The following ELF4 variants were observed in gnomAD, a reference collection of about 807,000 sequenced individuals.
ELF4 encodes E74 like ETS transcription factor 4.
Under a neutral mutation model 31.7 loss-of-function variants are expected in ELF4, and 10 were observed. The observed-to-expected ratio is 0.32, with a 90% CI of 0.19 to 0.54. The LOEUF is 0.54. Among genes scored for constraint, ELF4 ranks in the 20% least tolerant of loss-of-function variants. ELF4 has a pLI of 0.95. For synonymous variants in ELF4, 208 were observed against 226.7 expected (o/e 0.92, Z 0.74); for missense variants, 418 against 522.0 (o/e 0.80, Z 1.94).
Position 130,064,028 on chromosome X carries a change from A to G in ELF4, c.*2693T>C, listed in dbSNP as rs1277210946. ...TTATTATTATACTTTAAGTTCTGGG[A>G]TACATGTGCAGAACGTGCAGGTTTG... On this transcript the variant is annotated 3_prime_UTR_variant, in exon 9 of 9. Coordinates refer to ENST00000308167, the MANE Select transcript of ELF4 (RefSeq NM_001421.4). Among the ~76,000 whole-genome samples, 1 of 106,249 alleles carries G rather than the reference A, an allele frequency of 9.4e-6. No homozygotes were observed. 92.3% of individuals were successfully genotyped at this position (106,249 alleles called of 115,157 possible).
At chrX:130,096,328 G>A (rs922136335) in intron 1 of ELF4, among the ~76,000 whole-genome samples, 2 of 110,805 alleles carry the variant, frequency 1.8e-5, no homozygotes, top group Non-Finnish European at 3.8e-5. Flanking sequence ...GACTACAGGT[G>A]TGTGCCAGCC....
intron 2 of ELF4, among the ~76,000 whole-genome samples, chrX:130,078,762 TACACACA>T (rs1243743673): frequency 8.2e-5 from 7 of 84,885 alleles, no homozygotes; most frequent in Non-Finnish European, 1.6e-4. Context: ...TCTCTCTCTC[TACACACA>T]CACACACACA....
At chrX:130,070,386 C>A (rs953894767) in intron 7 of ELF4, among the ~76,000 whole-genome samples, 2 of 110,774 alleles carry the variant, frequency 1.8e-5, no homozygotes, top group Non-Finnish European at 3.8e-5. Flanking sequence ...TCCTGGCTAA[C>A]ATGGTGAAAC....
Position 130,079,114 on chromosome X carries a change from G to A in ELF4, c.75+2142C>T, listed in dbSNP as rs1247869426. 1.4e-4 allele frequency among the ~76,000 whole-genome samples: 15 copies of A among 111,002 alleles called. No individual in the cohort carries two copies. In the South Asian group the frequency reaches 5.7e-3, roughly 42 times the overall value. On this transcript the variant is annotated intron_variant, in intron 2 of 8. Transcript: ENST00000308167. ...AAGGGAGGGAAGGTTTTCTTTTAGG[G>A]TTGGGACACCTGAAGATGTTCAAAG... is the stretch of plus-strand genomic sequence containing the variant.
intron 1 of ELF4, among the ~76,000 whole-genome samples, chrX:130,083,221 C>T (rs1022346361): frequency 4.6e-5 from 5 of 108,347 alleles, no homozygotes; most frequent in Admixed American, 2.0e-4. Context: ...TGGGAGGAGG[C>T]GCCTGGGAAA....
At chrX:130,100,144 C>T (rs749593791) in intron 1 of ELF4, among the ~76,000 whole-genome samples, 27 of 111,541 alleles carry the variant, frequency 2.4e-4, no homozygotes, top group African/African-American at 7.8e-4. Context: ...TGTTAGGAAG[C>T]TATATGGAGT....
intron 1 of ELF4, among the ~76,000 whole-genome samples, chrX:130,094,404 A>T (rs1395589959): frequency 9.8e-6 from 1 of 102,464 alleles, no homozygotes; most frequent in African/African-American, 3.6e-5. Flanking sequence ...AAACAAAACA[A>T]AACAAAACAA....
chrX:130,111,628 G>T (rs764599710), upstream of ELF4, among the ~76,000 whole-genome samples: 1 of 111,865 alleles, frequency 8.9e-6, no homozygotes, highest in East Asian at 2.9e-4. Context: ...ACGCTGGCAA[G>T]ATATGAGTCA....
chrX:130,086,790 G>A lies in ELF4; in HGVS notation c.-209-5251C>T, dbSNP rs760227282. Among the ~76,000 whole-genome samples, 48 of 112,707 alleles carry A rather than the reference G, an allele frequency of 4.3e-4. 1 individual carries two copies. The highest frequency in any genetic ancestry group is 8.1e-4 in the Non-Finnish European group (43 of 53,289). On this transcript the variant is annotated intron_variant, in intron 1 of 8. Transcript: ENST00000308167. ...GGTGACCTCCCAGAGAGCAACAGGG[G>A]CTGTGGGCCCCATTAAGCTCCAGAC...
Position 130,110,318 on chromosome X carries a change from G to T in ELF4, c.-210+7C>A, listed in dbSNP as rs1339968996. 3 of 109,564 alleles carry T rather than the reference G, an allele frequency of 2.7e-5. No individual in the cohort carries two copies. The highest frequency in any genetic ancestry group is 1.9e-5 in the Non-Finnish European group (1 of 52,018). The allele number at this position is 109,564 out of a possible 1,213,427, so 9.0% of individuals were successfully genotyped here. A position where few individuals can be genotyped will look rare whatever the true frequency, so the allele number is the denominator to read the frequency against. Reference sequence around the variant, plus strand: ...CAAGGCTCGAAGAACCGGCGCCATCGACGTACCTGAGGCCGAGTGGCTCAC... The same window carrying T: ...CAAGGCTCGAAGAACCGGCGCCATCTACGTACCTGAGGCCGAGTGGCTCAC... On this transcript the variant is annotated splice_region_variant and intron_variant, in intron 1 of 8. Transcript: ENST00000308167.
chrX:130,066,582 C>T lies in ELF4; in HGVS notation c.*139G>A, dbSNP rs1932676699. 1.5e-6 allele frequency: 1 copy of T among 660,919 alleles called. No homozygotes were observed. Among genetic ancestry groups the T allele is most frequent in the Non-Finnish European group, 2.4e-6 (1 of 419,668 alleles). 54.5% of individuals were successfully genotyped at this position (660,919 alleles called of 1,213,427 possible). A position where few individuals can be genotyped will look rare whatever the true frequency, so the allele number is the denominator to read the frequency against. ...GGGCACTGTTTGGCCACAGTGACAC[C>T]AGGCAGGGCCGGGGGACTTGGGGTC... On this transcript the variant is annotated 3_prime_UTR_variant, in exon 9 of 9. Transcript: ENST00000308167.
intron 1 of ELF4, among the ~76,000 whole-genome samples, chrX:130,101,343 A>G (rs771166526): frequency 8.9e-6 from 1 of 112,752 alleles, no homozygotes; most frequent in East Asian, 2.8e-4. Context: ...TTAACCAAAA[A>G]TTGGTAATAA....
chrX:130,088,912 T>C (rs1430157866), intron 1 of ELF4, among the ~76,000 whole-genome samples: 1 of 111,874 alleles, frequency 8.9e-6, no homozygotes, highest in African/African-American at 3.3e-5. Context: ...TCTGGAACTT[T>C]CCTGGGCAGC....
chrX:130,092,876 GA>G (rs1933084030), intron 1 of ELF4, among the ~76,000 whole-genome samples: 2 of 110,973 alleles, frequency 1.8e-5, no homozygotes, highest in South Asian at 7.6e-4. Flanking sequence ...CATACTTGGG[GA>G]TTGGTTCCAG....
At chrX:130,074,974 T>A (rs1213034361) in intron 2 of ELF4, among the ~76,000 whole-genome samples, 4 of 102,431 alleles carry the variant, frequency 3.9e-5, no homozygotes, top group Non-Finnish European at 6.0e-5. Context: ...CCTTTAAGCA[T>A]TTTTTTTTTT....
At chrX:130,069,057 C>A (rs1932752130) in intron 8 of ELF4, among the ~76,000 whole-genome samples, 1 of 110,880 alleles carries the variant, frequency 9.0e-6, no homozygotes, top group Non-Finnish European at 1.9e-5. Flanking sequence ...AACCCCGTCT[C>A]TACTAAAAAT....
chrX:130,065,511 GA>G lies in ELF4; in HGVS notation c.*1209del, dbSNP rs1932643887. ...AAGGAGGTCTGCTGCAGTCATCACA[GA>G]GGCAGGCTGGTCCGCCTTCGAGGTG... On this transcript the variant is annotated 3_prime_UTR_variant, in exon 9 of 9. Transcript: ENST00000308167. 1 of 174,692 alleles carries G rather than the reference GA, an allele frequency of 5.7e-6. No individual in the cohort carries two copies. The highest frequency in any genetic ancestry group is 1.1e-5 in the Non-Finnish European group (1 of 91,561). The allele number at this position is 174,692 out of a possible 1,213,427, so 14.4% of individuals were successfully genotyped here.
At chrX:130,098,648 C>T (rs1286092280) in intron 1 of ELF4, among the ~76,000 whole-genome samples, 1 of 111,921 alleles carries the variant, frequency 8.9e-6, no homozygotes, top group East Asian at 2.8e-4. Flanking sequence ...TGAGGCCAGA[C>T]CTAACCACTG....
At chrX:130,101,642 T>C (rs1403747634) in intron 1 of ELF4, among the ~76,000 whole-genome samples, 2 of 109,078 alleles carry the variant, frequency 1.8e-5, no homozygotes, top group Admixed American at 2.0e-4. Context: ...AAATACAGAA[T>C]TAGCCGGGTG....
Sources: gnomAD v4.1 joint callset for allele counts (sites outside exome capture counted in the v4.1 genomes callset) on GRCh38, gnomAD v4.1.1 for gene constraint, MANE v1.5 for transcripts, NCBI Gene and HGNC (gene_info 2026-07-23, HGNC 2026-07-21) for gene names.